ARFGEF1: variants seen among roughly 807,000 people sequenced by gnomAD.
The protein encoded by ARFGEF1 is ARF guanine nucleotide exchange factor 1.
In ARFGEF1, 42 loss-of-function variants were observed where a neutral mutation model predicts 231.0. The ratio of observed to expected loss-of-function variants is 0.18; its 90% CI spans 0.14 to 0.24. The LOEUF (loss-of-function observed/expected upper bound fraction) is 0.24, where lower values mean the gene tolerates loss of function less well. Among genes scored for constraint, ARFGEF1 ranks in the 10% least tolerant of loss-of-function variants. The probability of loss-of-function intolerance (pLI) is 1.00; values close to 1 mark genes in which losing one functional copy is unlikely to be tolerated. For missense variants in ARFGEF1, 1,345 were observed against 2,192.0 expected, an observed-to-expected ratio of 0.61 and a Z score of 7.72; for synonymous variants, 710 against 732.3, an observed-to-expected ratio of 0.97 and a Z score of 0.49.
intron 23 of ARFGEF1, among the ~76,000 whole-genome samples, chr8:67,228,667 T>C (rs1839459489): frequency 6.6e-6 from 1 of 152,050 alleles, no homozygotes; most frequent in Non-Finnish European, 1.5e-5. Flanking sequence ...ATTTGACGTA[T>C]TTTTACCAGT....
downstream of ARFGEF1, chr8:67,195,252 C>T (rs1319849985): frequency 1.4e-6 from 1 of 725,388 alleles, no homozygotes; most frequent in Non-Finnish European, 2.5e-6. Context: ...AACAAACAAA[C>T]AGTAGAGTTC....
chr8:67,268,555 T>A (rs1447591551), intron 10 of ARFGEF1, among the ~76,000 whole-genome samples: 1 of 152,100 alleles, frequency 6.6e-6, no homozygotes, highest in Admixed American at 6.6e-5. Flanking sequence ...AATGACATAA[T>A]TATCTCCGCA....
chr8:67,335,223 A>G (rs1808289045), intron 1 of ARFGEF1, among the ~76,000 whole-genome samples: 1 of 149,168 alleles, frequency 6.7e-6, no homozygotes. Flanking sequence ...CTCCTGCCTC[A>G]GCCTCCCAAG....
At chr8:67,230,685 T>C (rs565489091) in intron 23 of ARFGEF1, among the ~76,000 whole-genome samples, 1 of 152,060 alleles carries the variant, frequency 6.6e-6, no homozygotes, top group Non-Finnish European at 1.5e-5. Context: ...ACTATGATGC[T>C]AAATAATTGT....
chr8:67,184,509 G>A (rs1341177152), intron 5 of ARFGEF1, among the ~76,000 whole-genome samples: 6 of 151,678 alleles, frequency 4.0e-5, no homozygotes, highest in Admixed American at 3.3e-4. Flanking sequence ...AGGCTGAGGT[G>A]GGCGGATCAC....
chr8:67,202,561 A>G (rs1838370186), intron 36 of ARFGEF1, among the ~76,000 whole-genome samples: 1 of 152,158 alleles, frequency 6.6e-6, no homozygotes. Flanking sequence ...AGCTGGCTCT[A>G]TTTTTTAAAT....
intron 10 of ARFGEF1, among the ~76,000 whole-genome samples, chr8:67,268,454 A>G (rs1189604132): frequency 6.6e-6 from 1 of 152,222 alleles, no homozygotes; most frequent in Non-Finnish European, 1.5e-5. Context: ...GCCCTGAAAA[A>G]ATTCTGAGGC....
chr8:67,279,362 A>T (rs1805443115), intron 7 of ARFGEF1, among the ~76,000 whole-genome samples: 1 of 152,128 alleles, frequency 6.6e-6, no homozygotes, highest in Admixed American at 6.6e-5. Flanking sequence ...CACCACAAAA[A>T]TACATCTCTT....
intron 17 of ARFGEF1, among the ~76,000 whole-genome samples, chr8:67,254,271 C>T (rs1193589089): frequency 6.6e-6 from 1 of 152,154 alleles, no homozygotes; most frequent in Non-Finnish European, 1.5e-5. Context: ...AACTTGGGAA[C>T]TAGCATAGCC....
At chr8:67,307,987 A>T (rs182570841) in intron 1 of ARFGEF1, among the ~76,000 whole-genome samples, 2 of 152,186 alleles carry the variant, frequency 1.3e-5, no homozygotes, top group Admixed American at 1.3e-4. Context: ...TTGGAGCCCA[A>T]TGGCCCTGTT....
At chr8:67,329,922 T>C (rs952520010) in intron 1 of ARFGEF1, among the ~76,000 whole-genome samples, 1 of 151,754 alleles carries the variant, frequency 6.6e-6, no homozygotes, top group Non-Finnish European at 1.5e-5. Context: ...TGAGACTGAA[T>C]TGGTAGAAAC....
intron 29 of ARFGEF1, among the ~76,000 whole-genome samples, chr8:67,220,038 A>C (rs554435565): frequency 4.2e-4 from 64 of 152,130 alleles, no homozygotes; most frequent in African/African-American, 1.4e-3. Context: ...AAGGATTTAC[A>C]AAAAAAAGCC....
At chr8:67,330,203 G>A (rs996635443) in intron 1 of ARFGEF1, among the ~76,000 whole-genome samples, 7 of 151,946 alleles carry the variant, frequency 4.6e-5, no homozygotes, top group African/African-American at 1.7e-4. Flanking sequence ...GGTGCTTTTT[G>A]AAATGTAAAA....
At chr8:67,265,101 CT>C (rs1804796143) in intron 14 of ARFGEF1, among the ~76,000 whole-genome samples, 1 of 152,096 alleles carries the variant, frequency 6.6e-6, no homozygotes, top group South Asian at 2.1e-4. Flanking sequence ...AAAGATGAGA[CT>C]TTAATAAATA....
chr8:67,292,445 A>G (rs1457776413), intron 5 of ARFGEF1, among the ~76,000 whole-genome samples: 2 of 152,268 alleles, frequency 1.3e-5, no homozygotes, highest in South Asian at 2.1e-4. Flanking sequence ...ATAAAAATAC[A>G]TAAGAAGCTA....
chr8:67,272,066 A>C (rs1358425426), intron 9 of ARFGEF1, 130 bp from the exon 10 acceptor site: 2 of 626,512 alleles, frequency 3.2e-6, no homozygotes, highest in African/African-American at 3.7e-5. Context: ...GAGGAAGAGA[A>C]AATTCTATAA....
At chr8:67,217,723 C>A in intron 32 of ARFGEF1, 59 bp downstream of exon 32, 1 of 1,540,502 alleles carries the variant, frequency 6.5e-7, no homozygotes, top group South Asian at 1.2e-5. Flanking sequence ...AATCACTAGT[C>A]ACTCTCCAAC....
intron 19 of ARFGEF1, among the ~76,000 whole-genome samples, chr8:67,244,452 G>A (rs1435471059): frequency 6.8e-6 from 1 of 147,806 alleles, no homozygotes; most frequent in Non-Finnish European, 1.5e-5. Flanking sequence ...GGAACCACAG[G>A]CACAAGCCAC....
At chr8:67,302,356 A>G in intron 2 of ARFGEF1, 80 bp downstream of exon 2, 1 of 1,147,242 alleles carries the variant, frequency 8.7e-7, no homozygotes. Flanking sequence ...GCCACACTAA[A>G]ATACAGATGA....
Sources: gnomAD v4.1 joint callset for allele counts (sites outside exome capture counted in the v4.1 genomes callset) on GRCh38, gnomAD v4.1.1 for gene constraint, MANE v1.5 for transcripts, NCBI Gene and HGNC (gene_info 2026-07-23, HGNC 2026-07-21) for gene names.